The following CSNK1G2 variants were observed in gnomAD, a reference collection of about 807,000 sequenced individuals.
CSNK1G2 encodes casein kinase 1 gamma 2.
A neutral mutation model predicts 48.0 loss-of-function variants in CSNK1G2; 11 were observed. The ratio of observed to expected loss-of-function variants is 0.23; its 90% CI spans 0.14 to 0.38. The LOEUF (loss-of-function observed/expected upper bound fraction) is 0.38. Among genes scored for constraint, CSNK1G2 ranks in the 10% least tolerant of loss-of-function variants. The pLI is 1.00. For missense variants in CSNK1G2, 446 were observed against 595.5 expected, an observed-to-expected ratio of 0.75 and a Z score of 2.61; for synonymous variants, 337 against 254.1, an observed-to-expected ratio of 1.33 and a Z score of -3.10.
In CSNK1G2 at chr19:1,980,274, C is replaced by T. The variant is rs768545852; in HGVS notation, c.*71C>T. The T allele has an allele frequency of 1.9e-5, 30 of 1,572,082 alleles. No homozygotes were observed. The highest frequency in any genetic ancestry group is 5.6e-5 in the South Asian group (5 of 89,714). ...GGGGCGCGACCTTGTGCGAGGCCCT[C>T]GGGGCCCACCCACAGCGGCCCAGGG... On this transcript the variant is annotated 3_prime_UTR_variant, in exon 12 of 12. Coordinates refer to ENST00000255641, the MANE Select transcript of CSNK1G2 (RefSeq NM_001319.7).
intron 1 of CSNK1G2, among the ~76,000 whole-genome samples, chr19:1,951,717 G>A (rs1455054434): frequency 6.9e-6 from 1 of 144,274 alleles, no homozygotes; most frequent in Admixed American, 6.9e-5. Context: ...GTCTCACTGT[G>A]TCGCCCAGGC....
At chr19:1,942,790 C>G (rs1012654696) in intron 1 of CSNK1G2, among the ~76,000 whole-genome samples, 11 of 152,274 alleles carry the variant, frequency 7.2e-5, no homozygotes, top group Middle Eastern at 3.4e-3. Flanking sequence ...GACTGTGTGC[C>G]AGGGCCCCCA....
chr19:1,973,995 C>A (rs766851856), intron 2 of CSNK1G2, among the ~76,000 whole-genome samples: 1 of 152,068 alleles, frequency 6.6e-6, no homozygotes, highest in African/African-American at 2.4e-5. Context: ...TCAAGCAATT[C>A]TCCTGCCTCA....
chr19:1,953,096 C>T (rs1046652182), intron 1 of CSNK1G2: 4 of 400,476 alleles, frequency 1.0e-5, no homozygotes, highest in Non-Finnish European at 1.4e-5. Flanking sequence ...TGGAAGGACC[C>T]GTGTCCTCTC....
At chr19:1,956,191 TCCAGGGGGATG>T (rs2014992771) in intron 1 of CSNK1G2, among the ~76,000 whole-genome samples, 2 of 151,488 alleles carry the variant, frequency 1.3e-5, no homozygotes, top group South Asian at 4.2e-4. Context: ...CAAGGAGGCT[TCCAGGGGGATG>T]CCAGGAGCAG....
intron 1 of CSNK1G2, among the ~76,000 whole-genome samples, chr19:1,966,582 C>T (rs910426912): frequency 1.3e-4 from 20 of 152,278 alleles, no homozygotes; most frequent in African/African-American, 2.9e-4. Flanking sequence ...GATGAAGCCG[C>T]GGCCGGGTTG....
intron 1 of CSNK1G2, among the ~76,000 whole-genome samples, chr19:1,949,072 G>A (rs1435139228): frequency 6.6e-6 from 1 of 152,220 alleles, no homozygotes. Flanking sequence ...AGGAGAGGCT[G>A]GCGCCCTCAG....
chr19:1,945,129 C>G (rs1464999797), intron 1 of CSNK1G2, among the ~76,000 whole-genome samples: 2 of 152,230 alleles, frequency 1.3e-5, no homozygotes, highest in African/African-American at 4.8e-5. Context: ...TCTCGCCCTG[C>G]CCAGAGTCTC....
intron 2 of CSNK1G2, among the ~76,000 whole-genome samples, chr19:1,970,969 T>C (rs1339195208): frequency 1.3e-5 from 2 of 152,168 alleles, no homozygotes; most frequent in African/African-American, 4.8e-5. Context: ...GTGGTCATGA[T>C]GTGGCTGCAT....
chr19:1,969,944 G>A lies in CSNK1G2; in HGVS notation c.172G>A (p.Gly58Arg), dbSNP rs764244835. ...VGKKIGCGNF[G>R]ELRLGKNLYT... ...CAAGAAGATCGGCTGCGGCAACTTC[G>A]GGGAGCTCCGCCTAGGTGAGGCCCT... Residue 58 changes from glycine (G) to arginine (R), a missense_variant, in exon 2 of 12, where the codon GGG becomes AGG. By Grantham distance (125) the Gly-to-Arg change is moderately radical (BLOSUM62 -2). This residue lies in a region of CSNK1G2 where 258 missense variants were observed against 415.9 expected (regional missense o/e 0.62). Transcript: ENST00000255641. The A allele has an allele frequency of 2.3e-6, 3 of 1,309,120 alleles. No individual in the cohort carries two copies. Among genetic ancestry groups the A allele is most frequent in the Non-Finnish European group, 2.0e-6 (2 of 1,021,998 alleles). 81.1% of individuals were successfully genotyped at this position (1,309,120 alleles called of 1,614,324 possible). A position where few individuals can be genotyped will look rare whatever the true frequency, so the allele number is the denominator to read the frequency against.
intron 1 of CSNK1G2, among the ~76,000 whole-genome samples, chr19:1,959,785 G>A (rs56226476): frequency 0.068 from 3,509 of 51,760 alleles, 1,428 homozygotes; most frequent in East Asian, 0.22. Flanking sequence ...CCCACCTTTA[G>A]TGCCACCCTG....
intron 1 of CSNK1G2, among the ~76,000 whole-genome samples, chr19:1,956,595 G>C (rs1228057543): frequency 6.6e-6 from 1 of 152,232 alleles, no homozygotes; most frequent in Non-Finnish European, 1.5e-5. Flanking sequence ...TGGCACAGGC[G>C]CTTACCCTGC....
rs1160624075 is a variant in CSNK1G2, at chr19:1,941,196, G to T, written c.-488G>T. 1.4e-5 allele frequency: 2 copies of T among 146,300 alleles called. No homozygotes were observed. The highest frequency in any genetic ancestry group is 6.8e-5 in the Admixed American group (1 of 14,746). 9.1% of individuals were successfully genotyped at this position (146,300 alleles called of 1,614,324 possible). A position where few individuals can be genotyped will look rare whatever the true frequency, so the allele number is the denominator to read the frequency against. The stretch of plus-strand genomic sequence containing the variant: ...CAGACGCTGGCGGCGTAAGGCGCGC[G>T]GGCCCCGGAGCGGGCGCGGCGGAGC... On this transcript the variant is annotated 5_prime_UTR_variant, in exon 1 of 12. Transcript: ENST00000255641.
chr19:1,951,960 G>A (rs1408067789), intron 1 of CSNK1G2, among the ~76,000 whole-genome samples: 1 of 152,288 alleles, frequency 6.6e-6, no homozygotes, highest in East Asian at 1.9e-4. Flanking sequence ...GATTACAGGC[G>A]AGAGCCACCG....
intron 1 of CSNK1G2, among the ~76,000 whole-genome samples, chr19:1,960,373 T>C (rs2015157556): frequency 6.6e-6 from 1 of 152,168 alleles, no homozygotes; most frequent in Non-Finnish European, 1.5e-5. Flanking sequence ...GGATGCTGCC[T>C]CTCGGGCAGC....
chr19:1,974,045 A>G (rs893249367), intron 2 of CSNK1G2, among the ~76,000 whole-genome samples: 3 of 151,798 alleles, frequency 2.0e-5, no homozygotes, highest in Non-Finnish European at 4.4e-5. Flanking sequence ...CCGTCACCAC[A>G]CCCAGCTAAT....
At chr19:1,964,893 T>C (rs2015315749) in intron 1 of CSNK1G2, among the ~76,000 whole-genome samples, 1 of 151,528 alleles carries the variant, frequency 6.6e-6, no homozygotes. Flanking sequence ...GCCCAGCTAA[T>C]GTTTTTGTAA....
chr19:1,959,590 C>T (rs1321562011), intron 1 of CSNK1G2, among the ~76,000 whole-genome samples: 1 of 125,908 alleles, frequency 7.9e-6, no homozygotes, highest in Non-Finnish European at 1.7e-5. Context: ...CCCGTCCCAC[C>T]TTTAGTGCCA....
intron 1 of CSNK1G2, among the ~76,000 whole-genome samples, chr19:1,953,212 T>TC (rs371627605): frequency 1.6e-3 from 246 of 151,902 alleles, no homozygotes; most frequent in African/African-American, 5.5e-3. Flanking sequence ...GCCTGCACGT[T>TC]CCCCCCGCTG....
Sources: gnomAD v4.1 joint callset for allele counts (sites outside exome capture counted in the v4.1 genomes callset) on GRCh38, gnomAD v4.1.1 for gene constraint, gnomAD v4.1.1 regional missense constraint, MANE v1.5 for transcripts, NCBI Gene and HGNC (gene_info 2026-07-23, HGNC 2026-07-21) for gene names.